The following HIVEP3 variants were observed in gnomAD, a reference collection of about 807,000 sequenced individuals.
HIVEP3 encodes the protein transcription factor HIVEP3.
A neutral mutation model predicts 152.8 loss-of-function variants in HIVEP3; 49 were observed. The ratio of observed to expected loss-of-function variants is 0.32; its 90% CI spans 0.26 to 0.41. The LOEUF (loss-of-function observed/expected upper bound fraction) is 0.41. HIVEP3 is among the 10% of genes least tolerant of loss of function. The probability of loss-of-function intolerance (pLI) is 1.00; values close to 1 mark genes in which losing one functional copy is unlikely to be tolerated. For missense variants in HIVEP3, 2,790 were observed against 3,103.3 expected, an observed-to-expected ratio of 0.90 and a Z score of 2.40; for synonymous variants, 1,269 against 1,289.0, an observed-to-expected ratio of 0.98 and a Z score of 0.33.
At position 41,581,440 on chromosome 1, in the gene HIVEP3, C is replaced by A; in HGVS notation, c.3358G>T (p.Ala1120Ser). The change falls in exon 4 of 9, where the codon GCA becomes TCA. Residue 1120 changes from alanine (A) to serine (S), a missense_variant. Ala to Ser is a moderately conservative substitution (Grantham distance 99, BLOSUM62 1). Transcript: ENST00000372583. This position sits in a 1 kb window ranked among gnomAD's most constrained non-coding sequence, Gnocchi z 4.5. ...ACGGGGTGGTGGAACACTTGCAGTG[C>A]TTCTGTGTAGGGCACAGTGGGCCCC... Reference protein sequence around the residue: ...PLGPTVPYTEALQVFHHPVAQ... With the variant: ...PLGPTVPYTESLQVFHHPVAQ... The A allele has an allele frequency of 6.3e-7, 1 of 1,590,352 alleles. No homozygotes were observed. Among genetic ancestry groups the A allele is most frequent in the Non-Finnish European group, 8.6e-7 (1 of 1,168,806 alleles).
intron 5 of HIVEP3, among the ~76,000 whole-genome samples, chr1:41,544,858 C>T (rs866602486): frequency 1.9e-4 from 21 of 107,730 alleles, no homozygotes; most frequent in Admixed American, 3.5e-4. Context: ...ACCACCACCA[C>T]CACCACCACC....
intron 5 of HIVEP3, among the ~76,000 whole-genome samples, chr1:41,554,912 T>C (rs1375897083): frequency 2.0e-5 from 3 of 152,184 alleles, no homozygotes; most frequent in Non-Finnish European, 4.4e-5. Flanking sequence ...AGTCGGCCCC[T>C]ACTGGGAGGT....
chr1:41,559,934 A>G (rs1644032840), intron 5 of HIVEP3, among the ~76,000 whole-genome samples: 1 of 152,216 alleles, frequency 6.6e-6, no homozygotes, highest in African/African-American at 2.4e-5. Flanking sequence ...TGTTATCTCC[A>G]TCTTACAGAC....
At chr1:41,991,553 G>A (rs1197106539) in intron 1 of HIVEP3, among the ~76,000 whole-genome samples, 7 of 147,328 alleles carry the variant, frequency 4.8e-5, no homozygotes, top group Admixed American at 1.3e-4. Flanking sequence ...ATTCACAGCC[G>A]AATTCTACCA....
At chr1:41,561,059 C>T (rs1167311230) in intron 5 of HIVEP3, among the ~76,000 whole-genome samples, 1 of 152,212 alleles carries the variant, frequency 6.6e-6, no homozygotes, top group Non-Finnish European at 1.5e-5. Context: ...TTTCGGTAGA[C>T]TCTCTCTGAG....
intron 5 of HIVEP3, among the ~76,000 whole-genome samples, chr1:41,560,941 C>T (rs1644050822): frequency 6.6e-6 from 1 of 152,232 alleles, no homozygotes; most frequent in Non-Finnish European, 1.5e-5. Context: ...CAATAAGAAG[C>T]ATCCTGCAGC....
chr1:41,759,771 A>G (rs1647546228), intron 1 of HIVEP3, among the ~76,000 whole-genome samples: 1 of 152,142 alleles, frequency 6.6e-6, no homozygotes, highest in South Asian at 2.1e-4. Flanking sequence ...CTGTGATTCT[A>G]CAAGCTGTGA....
chr1:41,893,307 T>C (rs1172338821), intron 1 of HIVEP3, among the ~76,000 whole-genome samples: 1 of 152,126 alleles, frequency 6.6e-6, no homozygotes, highest in African/African-American at 2.4e-5. Context: ...CTCTGAACCC[T>C]GGAACTGAGA....
intron 2 of HIVEP3, among the ~76,000 whole-genome samples, chr1:41,653,907 T>A (rs1035817387): frequency 8.2e-6 from 1 of 122,030 alleles, no homozygotes; most frequent in Non-Finnish European, 1.6e-5. Flanking sequence ...TTCTCTTTCA[T>A]CCACTCCATG....
intron 7 of HIVEP3, among the ~76,000 whole-genome samples, chr1:41,514,435 TAC>T (rs1162214849): frequency 6.6e-6 from 1 of 152,242 alleles, no homozygotes; most frequent in Non-Finnish European, 1.5e-5. Context: ...GTGGTCAGTG[TAC>T]ACACACATCT....
At chr1:41,762,850 T>G (rs1038290719) in intron 1 of HIVEP3, among the ~76,000 whole-genome samples, 2 of 152,224 alleles carry the variant, frequency 1.3e-5, no homozygotes, top group Non-Finnish European at 2.9e-5. Context: ...TATCCTGCAT[T>G]AGATAGGCAT....
intron 1 of HIVEP3, among the ~76,000 whole-genome samples, chr1:41,867,697 C>T (rs1314507665): frequency 1.3e-5 from 2 of 152,210 alleles, no homozygotes; most frequent in African/African-American, 2.4e-5. Flanking sequence ...CATACTCATG[C>T]GACCTTGTCC....
intron 1 of HIVEP3, among the ~76,000 whole-genome samples, chr1:41,855,435 T>A (rs1341777770): frequency 6.6e-6 from 1 of 151,580 alleles, no homozygotes; most frequent in Non-Finnish European, 1.5e-5. Flanking sequence ...TGGGAGAAAA[T>A]TTTCGCAACC....
In HIVEP3 at chr1:41,562,601, T is replaced by TTCTCTCTC. The variant is rs72509109; in HGVS notation, c.5207+12935_5207+12942dup. On this transcript the variant is annotated intron_variant, in intron 5 of 8. Transcript: ENST00000372583. ...TTCCTTCCTTCCTTCCTTCCTTTCT[T>TTCTCTCTC]TCTCTCTCTCTCTCTCTCTCTCTCT... Among the ~76,000 whole-genome samples, 215 of 126,242 alleles carry TTCTCTCTC rather than the reference T, an allele frequency of 1.7e-3. 2 individuals carry two copies. The highest frequency in any genetic ancestry group is 3.1e-3 in the African/African-American group (102 of 32,542). 82.8% of individuals were successfully genotyped at this position (126,242 alleles called of 152,430 possible).
intron 3 of HIVEP3, among the ~76,000 whole-genome samples, chr1:41,608,615 A>G (rs978773268): frequency 1.3e-5 from 2 of 152,200 alleles, no homozygotes; most frequent in African/African-American, 4.8e-5. Flanking sequence ...TGAGACAAAA[A>G]TCACTGAGAC....
intron 1 of HIVEP3, among the ~76,000 whole-genome samples, chr1:41,718,803 C>CAG (rs1646635507): frequency 6.6e-6 from 1 of 151,706 alleles, no homozygotes; most frequent in African/African-American, 2.4e-5. Flanking sequence ...CACACGTGCA[C>CAG]ACACACACAC....
intron 1 of HIVEP3, among the ~76,000 whole-genome samples, chr1:41,914,539 A>G (rs889681584): frequency 2.6e-5 from 4 of 152,200 alleles, no homozygotes; most frequent in African/African-American, 7.2e-5. Flanking sequence ...AAGGGTCTAC[A>G]TTTATTTTCC....
rs909251490 is a variant in HIVEP3, at chr1:41,585,148, G to C, written c.-351C>G. The C allele has an allele frequency of 3.2e-5, 13 of 400,196 alleles. No homozygotes were observed. The highest frequency in any genetic ancestry group is 6.2e-4 in the Middle Eastern group (1 of 1,610). 24.8% of individuals were successfully genotyped at this position (400,196 alleles called of 1,614,324 possible). On this transcript the variant is annotated 5_prime_UTR_variant, in exon 4 of 9. Transcript: ENST00000372583. ...TGGCAGTGGCAGGTGGCCCCCACGAGTCCCCCGTGTGCTATGCAAACGGTT... is the reference window on the plus strand; with the variant it reads ...TGGCAGTGGCAGGTGGCCCCCACGACTCCCCCGTGTGCTATGCAAACGGTT...
At chr1:41,973,046 G>A (rs1645239529) in intron 1 of HIVEP3, among the ~76,000 whole-genome samples, 1 of 147,216 alleles carries the variant, frequency 6.8e-6, no homozygotes, top group African/African-American at 2.5e-5. Flanking sequence ...ACATGTGCGT[G>A]CACACACACA....
Sources: allele counts gnomAD v4.1 joint callset (sites outside exome capture counted in the v4.1 genomes callset), GRCh38; gene constraint gnomAD v4.1.1; non-coding constraint Gnocchi (gnomAD v3.1); transcripts MANE v1.5; gene names NCBI Gene and HGNC (gene_info 2026-07-23, HGNC 2026-07-21).